Variants in SLC39A11 observed in about 807,000 individuals in gnomAD.
SLC39A11 encodes the protein zinc transporter ZIP11.
A neutral mutation model predicts 36.1 loss-of-function variants in SLC39A11; 33 were observed. The observed-to-expected ratio is 0.91, with a 90% CI of 0.69 to 1.22. The LOEUF (loss-of-function observed/expected upper bound fraction) is 1.22, where lower values mean the gene tolerates loss of function less well. Ranked by LOEUF, SLC39A11 falls within the 50% of genes most tolerant of loss-of-function variation. The pLI, the probability that SLC39A11 is intolerant of heterozygous loss-of-function variation, is 0.00. For missense variants in SLC39A11, 432 were observed against 430.3 expected (o/e 1.00, Z -0.03); for synonymous variants, 166 against 170.3 (o/e 0.97, Z 0.20).
At chr17:72,896,394 G>T (rs1296806889) in intron 5 of SLC39A11, among the ~76,000 whole-genome samples, 2 of 151,566 alleles carry the variant, frequency 1.3e-5, no homozygotes, top group Non-Finnish European at 2.9e-5. Flanking sequence ...TAGAGACAGG[G>T]TTTCACCATG....
At chr17:73,007,152 G>A (rs2090233786) in intron 4 of SLC39A11, among the ~76,000 whole-genome samples, 1 of 152,190 alleles carries the variant, frequency 6.6e-6, no homozygotes, top group African/African-American at 2.4e-5. Context: ...GCCGGGCGCA[G>A]TGGCTCACAC....
intron 5 of SLC39A11, among the ~76,000 whole-genome samples, chr17:72,914,867 C>CATAAATAAATAAATAA (rs374560040): frequency 8.0e-5 from 12 of 149,444 alleles, no homozygotes; most frequent in Non-Finnish European, 1.2e-4. Flanking sequence ...GACTCTGTCT[C>CATAAATAAATAAATAA]ATAAATAAAT....
intron 4 of SLC39A11, among the ~76,000 whole-genome samples, chr17:72,978,591 G>A (rs960225601): frequency 1.3e-5 from 2 of 152,114 alleles, no homozygotes; most frequent in South Asian, 2.1e-4. Context: ...TGCAAAGGCC[G>A]GGAGGTGGGA....
chr17:72,771,497 T>C (rs1169429653), intron 6 of SLC39A11, among the ~76,000 whole-genome samples: 1 of 152,146 alleles, frequency 6.6e-6, no homozygotes, highest in Non-Finnish European at 1.5e-5. Flanking sequence ...GGTTACAGCA[T>C]ACCTGGCCCT....
At chr17:72,695,772 G>A (rs892086193) in intron 7 of SLC39A11, among the ~76,000 whole-genome samples, 1 of 152,198 alleles carries the variant, frequency 6.6e-6, no homozygotes, top group African/African-American at 2.4e-5. Context: ...GCTGCGTGAA[G>A]TGAAGGCAGA....
chr17:72,943,119 T>C (rs2085217575), intron 5 of SLC39A11, among the ~76,000 whole-genome samples: 1 of 152,094 alleles, frequency 6.6e-6, no homozygotes, highest in Non-Finnish European at 1.5e-5. Flanking sequence ...AGAGAGTGTC[T>C]TGAGGTGGAA....
chr17:73,068,425 A>G lies in SLC39A11; in HGVS notation c.147+16383T>C, dbSNP rs1197950144. On this transcript the variant is annotated intron_variant, in intron 3 of 9. Coordinates refer to ENST00000255559, the MANE Select transcript of SLC39A11 (RefSeq NM_139177.4). ...AGCAGGAAACATCACCACCAGTACA[A>G]CTAGCTGTAGGTGTCTGGTTGCCAT... 9 of 405,656 alleles carry G rather than the reference A, an allele frequency of 2.2e-5. No homozygotes were observed. The East Asian group carries it at 3.6e-4, about 16-fold the overall frequency. The allele number at this position is 405,656 out of a possible 1,614,324, so 25.1% of individuals were successfully genotyped here.
rs1048590928 is a variant in SLC39A11 at position 72,781,274 on chromosome 17, A to C, written c.602-44555T>G. On this transcript the variant is annotated intron_variant, in intron 6 of 9. Transcript: ENST00000255559. ...TCTCCTCTTCTGCTCCATTCCTTGCACGTCAAGAAAACCAGCTTCAGAGAA... is the reference window on the plus strand; with the variant it reads ...TCTCCTCTTCTGCTCCATTCCTTGCCCGTCAAGAAAACCAGCTTCAGAGAA... 3.3e-5 allele frequency among the ~76,000 whole-genome samples: 5 copies of C among 152,274 alleles called. No individual in the cohort carries two copies. In the East Asian group the frequency reaches 7.7e-4, roughly 24 times the overall value.
At chr17:72,739,957 CTATA>C (rs1464037089) in intron 6 of SLC39A11, among the ~76,000 whole-genome samples, 2 of 150,158 alleles carry the variant, frequency 1.3e-5, no homozygotes, top group South Asian at 2.1e-4. Flanking sequence ...ATTTTGTGTG[CTATA>C]TATATTATAT....
intron 7 of SLC39A11, among the ~76,000 whole-genome samples, chr17:72,682,269 T>A (rs370336067): frequency 1.3e-5 from 2 of 152,222 alleles, no homozygotes; most frequent in Non-Finnish European, 1.5e-5. Context: ...ATAAATGTCA[T>A]GTGCTTGAAT....
At chr17:72,701,691 G>A (rs1052279528) in intron 7 of SLC39A11, among the ~76,000 whole-genome samples, 1 of 124,768 alleles carries the variant, frequency 8.0e-6, no homozygotes, top group African/African-American at 3.1e-5. Flanking sequence ...TTGTACCACT[G>A]TACTCCAGCC....
At chr17:72,949,832 G>A (rs141601370) in intron 4 of SLC39A11, among the ~76,000 whole-genome samples, 1 of 152,096 alleles carries the variant, frequency 6.6e-6, no homozygotes, top group East Asian at 1.9e-4. Flanking sequence ...CGGGAGAGGA[G>A]AAGGCTTAAA....
intron 4 of SLC39A11, among the ~76,000 whole-genome samples, chr17:73,001,332 T>C (rs2089808724): frequency 6.9e-6 from 1 of 145,464 alleles, no homozygotes; most frequent in South Asian, 2.2e-4. Flanking sequence ...AACTAGAACC[T>C]GACTGATAGA....
At chr17:72,998,792 C>T (rs1337722699) in intron 4 of SLC39A11, among the ~76,000 whole-genome samples, 3 of 152,136 alleles carry the variant, frequency 2.0e-5, no homozygotes, top group Non-Finnish European at 2.9e-5. Context: ...TGGGGGTCCC[C>T]GCTGAAATGA....
chr17:72,894,387 AG>A (rs779112262), intron 5 of SLC39A11, among the ~76,000 whole-genome samples: 3 of 110,832 alleles, frequency 2.7e-5, no homozygotes, highest in African/African-American at 3.9e-5. Context: ...AAAAAAAAAA[AG>A]GCCAGGGACG....
At chr17:73,033,505 G>C (rs2058805651) in intron 3 of SLC39A11, among the ~76,000 whole-genome samples, 1 of 152,198 alleles carries the variant, frequency 6.6e-6, no homozygotes, top group Non-Finnish European at 1.5e-5. Flanking sequence ...CATGACTGTA[G>C]TCCTAGCTAC....
chr17:72,968,068 C>T (rs1338474453), intron 4 of SLC39A11, among the ~76,000 whole-genome samples: 1 of 152,216 alleles, frequency 6.6e-6, no homozygotes, highest in African/African-American at 2.4e-5. Flanking sequence ...GCATCCCGGC[C>T]TGGGAGCAAC....
chr17:72,791,220 C>T (rs575942460), intron 6 of SLC39A11, among the ~76,000 whole-genome samples: 37 of 152,236 alleles, frequency 2.4e-4, no homozygotes, highest in African/African-American at 7.9e-4. Context: ...TTCGGGAGGC[C>T]GAGGTGGGCA....
intron 7 of SLC39A11, 88 bp downstream of exon 7, chr17:72,736,562 T>C (rs949940468): frequency 1.7e-6 from 2 of 1,149,588 alleles, no homozygotes; most frequent in Admixed American, 1.7e-5. Context: ...TGAACAATAA[T>C]GCACAGACAG....
Sources: allele counts gnomAD v4.1 joint callset (sites outside exome capture counted in the v4.1 genomes callset), GRCh38; gene constraint gnomAD v4.1.1; transcripts MANE v1.5; gene names NCBI Gene and HGNC (gene_info 2026-07-23, HGNC 2026-07-21).